Variants in CNTNAP2 observed in about 807,000 individuals in gnomAD.
CNTNAP2 encodes contactin-associated protein-like 2.
In CNTNAP2, 98 loss-of-function variants were observed where a neutral mutation model predicts 155.2. That is an observed-to-expected ratio of 0.63 (90% CI 0.54 to 0.75). CNTNAP2 has a LOEUF of 0.75. Ranked by LOEUF, CNTNAP2 falls within the 30% of genes least tolerant of loss-of-function variation. The probability of loss-of-function intolerance (pLI) is 0.00; values close to 1 mark genes in which losing one functional copy is unlikely to be tolerated. For synonymous variants in CNTNAP2, 651 were observed against 631.2 expected (o/e 1.03, Z -0.47); for missense variants, 1,727 against 1,688.1 (o/e 1.02, Z -0.40).
chr7:146,595,072 T>A (rs1798840346), intron 1 of CNTNAP2, among the ~76,000 whole-genome samples: 1 of 152,046 alleles, frequency 6.6e-6, no homozygotes, highest in Non-Finnish European at 1.5e-5. Flanking sequence ...TTCCTGATAT[T>A]TAATTATAAG....
At chr7:146,163,599 A>G (rs1454660139) in intron 1 of CNTNAP2, among the ~76,000 whole-genome samples, 1 of 146,674 alleles carries the variant, frequency 6.8e-6, no homozygotes, top group Non-Finnish European at 1.5e-5. Flanking sequence ...ATATATATAT[A>G]TATCAGGGCG....
At chr7:148,015,671 C>T (rs1585078782) in intron 15 of CNTNAP2, among the ~76,000 whole-genome samples, 1 of 152,288 alleles carries the variant, frequency 6.6e-6, no homozygotes, top group African/African-American at 2.4e-5. Context: ...CAGGTCCCAA[C>T]ACACACCAAC....
intron 8 of CNTNAP2, among the ~76,000 whole-genome samples, chr7:147,239,850 C>T (rs950630242): frequency 1.2e-4 from 18 of 152,066 alleles, no homozygotes; most frequent in African/African-American, 3.4e-4. Context: ...AGTCAAGTGG[C>T]GATATGAATA....
intron 1 of CNTNAP2, among the ~76,000 whole-genome samples, chr7:146,588,018 G>GTA (rs1798723153): frequency 6.6e-6 from 1 of 151,752 alleles, no homozygotes; most frequent in East Asian, 1.9e-4. Context: ...GTGTGTGTGT[G>GTA]TGTGTGTGTG....
intron 1 of CNTNAP2, among the ~76,000 whole-genome samples, chr7:146,751,786 C>G (rs752745310): frequency 1.3e-5 from 2 of 152,000 alleles, no homozygotes; most frequent in Non-Finnish European, 2.9e-5. Flanking sequence ...TGCCCCCAAC[C>G]CCCGACAGGC....
chr7:148,381,691 T>C (rs937771412), intron 21 of CNTNAP2: 2 of 152,208 alleles, frequency 1.3e-5, no homozygotes, highest in African/African-American at 4.8e-5. Context: ...GGGATGTAAG[T>C]TCTCACTTTG....
chr7:146,420,915 C>T (rs1484393850), intron 1 of CNTNAP2, among the ~76,000 whole-genome samples: 4 of 152,040 alleles, frequency 2.6e-5, no homozygotes, highest in African/African-American at 4.8e-5. Context: ...GTTATGCAAG[C>T]TTTCACATTG....
At chr7:147,775,354 T>A (rs1244223863) in intron 13 of CNTNAP2, among the ~76,000 whole-genome samples, 1 of 45,200 alleles carries the variant, frequency 2.2e-5, no homozygotes, top group Non-Finnish European at 3.6e-5. Context: ...TATATTTATA[T>A]ATATTTATAA....
At chr7:146,671,165 G>A (rs982538863) in intron 1 of CNTNAP2, among the ~76,000 whole-genome samples, 2 of 152,042 alleles carry the variant, frequency 1.3e-5, no homozygotes, top group South Asian at 2.1e-4. Flanking sequence ...CAAAACAAAA[G>A]TAACTGATTA....
intron 10 of CNTNAP2, among the ~76,000 whole-genome samples, chr7:147,426,599 A>G (rs541557472): frequency 5.9e-5 from 9 of 152,282 alleles, no homozygotes; most frequent in Admixed American, 2.0e-4. Context: ...GCTTAATGTC[A>G]TGAATAGAAC....
chr7:146,855,816 T>C (rs1794970489), intron 3 of CNTNAP2, among the ~76,000 whole-genome samples: 1 of 32,178 alleles, frequency 3.1e-5, no homozygotes, highest in Admixed American at 4.8e-4. Flanking sequence ...AGTATATATA[T>C]ATATATATAT....
chr7:148,238,494 C>G (rs1311475915), intron 20 of CNTNAP2, among the ~76,000 whole-genome samples: 9 of 152,210 alleles, frequency 5.9e-5, no homozygotes, highest in Non-Finnish European at 1.2e-4. Flanking sequence ...CAAGCTCACT[C>G]CTGTTCATTT....
rs1375135208 is a variant in CNTNAP2 at position 146,651,234 on chromosome 7, G to A, written c.98-123037G>A. On this transcript the variant is annotated intron_variant, in intron 1 of 23. Coordinates refer to ENST00000361727, the MANE Select transcript of CNTNAP2 (RefSeq NM_014141.6). ...AGACAGTATTTTAGAATACCAGAAA[G>A]CACAAGAAATGTGTGTGTTGTTATG... Among the ~76,000 whole-genome samples, 5 of 152,158 alleles carry A rather than the reference G, an allele frequency of 3.3e-5. No homozygotes were observed. In the East Asian group the frequency reaches 9.7e-4, roughly 29 times the overall value.
intron 1 of CNTNAP2, among the ~76,000 whole-genome samples, chr7:146,287,769 T>A (rs1274522011): frequency 2.6e-5 from 4 of 152,206 alleles, no homozygotes; most frequent in Non-Finnish European, 5.9e-5. Context: ...AGAATTTTGC[T>A]GCTTAAAGTT....
chr7:148,322,048 C>A (rs1206712336), intron 21 of CNTNAP2, among the ~76,000 whole-genome samples: 1 of 151,306 alleles, frequency 6.6e-6, no homozygotes, highest in East Asian at 1.9e-4. Context: ...CCCACCCCAA[C>A]TAGCTGGGAT....
intron 8 of CNTNAP2, among the ~76,000 whole-genome samples, chr7:147,208,487 T>C (rs1367008492): frequency 1.3e-5 from 2 of 152,002 alleles, no homozygotes; most frequent in Admixed American, 1.3e-4. Context: ...AAGTGCAGGG[T>C]CTAGTAGGAA....
At chr7:147,933,263 T>G (rs1027525909) in intron 14 of CNTNAP2, among the ~76,000 whole-genome samples, 2 of 152,130 alleles carry the variant, frequency 1.3e-5, no homozygotes, top group African/African-American at 2.4e-5. Context: ...CTGTATAGAA[T>G]GTTCTCAAAA....
intron 1 of CNTNAP2, among the ~76,000 whole-genome samples, chr7:146,518,732 G>C (rs1387285138): frequency 6.6e-6 from 1 of 151,836 alleles, no homozygotes; most frequent in Non-Finnish European, 1.5e-5. Flanking sequence ...TGGAATGAAT[G>C]ATTCCAACTC....
chr7:147,024,932 C>T (rs1445752609), intron 3 of CNTNAP2, among the ~76,000 whole-genome samples: 1 of 152,016 alleles, frequency 6.6e-6, no homozygotes, highest in Non-Finnish European at 1.5e-5. Context: ...TTTAAACAAT[C>T]ACATCACGTG....
Sources: allele counts gnomAD v4.1 joint callset (sites outside exome capture counted in the v4.1 genomes callset), GRCh38; gene constraint gnomAD v4.1.1; transcripts MANE v1.5; gene names NCBI Gene and HGNC (gene_info 2026-07-23, HGNC 2026-07-21).